Variants in SMPD4 observed in about 807,000 individuals in gnomAD.
The protein encoded by SMPD4 is sphingomyelin phosphodiesterase 4.
Under a neutral mutation model 97.8 loss-of-function variants are expected in SMPD4, and 58 were observed. That is an observed-to-expected ratio of 0.59 (90% CI 0.48 to 0.74). The LOEUF (loss-of-function observed/expected upper bound fraction) is 0.74. SMPD4 is among the 30% of genes least tolerant of loss of function. The pLI is 0.00. For synonymous variants in SMPD4, 388 were observed against 450.0 expected (o/e 0.86, Z 1.74); for missense variants, 853 against 1,080.5 (o/e 0.79, Z 2.95).
intron 1 of SMPD4, among the ~76,000 whole-genome samples, chr2:130,179,724 G>C (rs180752220): frequency 1.3e-5 from 2 of 148,488 alleles, no homozygotes; most frequent in East Asian, 2.0e-4. Flanking sequence ...GCATGATCTC[G>C]GCTCACTGCA....
intron 1 of SMPD4, among the ~76,000 whole-genome samples, chr2:130,177,911 T>A (rs1689124750): frequency 6.6e-6 from 1 of 152,180 alleles, no homozygotes; most frequent in South Asian, 2.1e-4. Context: ...GACCCCTGTT[T>A]GTTCAATCAA....
chr2:130,180,377 A>G (rs1464798839), intron 1 of SMPD4, among the ~76,000 whole-genome samples: 3 of 147,606 alleles, frequency 2.0e-5, no homozygotes, highest in African/African-American at 7.5e-5. Context: ...GGTGCAAGCA[A>G]TTCTCTTACT....
At position 130,156,091 on chromosome 2, in the gene SMPD4, C is replaced by G. The variant is rs149794601; in HGVS notation, c.1233G>C (p.Ala411=). ...WLSYLQPWRY[A]PDKQAPGSDS... ...CGCTGCCCGGAGCCTGCTTGTCAGG[C>G]GCGTACCGCCACGGCTGCAGGTAGC... The change falls in exon 14 of 20, where the codon GCG becomes GCC. Residue 411 remains alanine, a synonymous_variant. Coordinates refer to ENST00000680298, the MANE Select transcript of SMPD4 (RefSeq NM_017951.5). 6.2e-7 allele frequency: 1 copy of G among 1,611,064 alleles called. No individual in the cohort carries two copies. The highest frequency in any genetic ancestry group is 8.5e-7 in the Non-Finnish European group (1 of 1,179,828).
intron 1 of SMPD4, among the ~76,000 whole-genome samples, chr2:130,178,856 C>T (rs558748646): frequency 5.3e-5 from 8 of 152,020 alleles, no homozygotes; most frequent in Admixed American, 5.2e-4. Context: ...AGAATCCTAC[C>T]TCTCAGCTCA....
chr2:130,171,713 T>C (rs532528800), intron 8 of SMPD4, among the ~76,000 whole-genome samples: 41 of 152,306 alleles, frequency 2.7e-4, no homozygotes, highest in African/African-American at 9.9e-4. Flanking sequence ...TGGGCCAGCA[T>C]CTGCAGGAAG....
intron 12 of SMPD4, among the ~76,000 whole-genome samples, 169 bp downstream of exon 12, chr2:130,157,082 G>A (rs13024697): frequency 0.34 from 52,121 of 151,766 alleles, 9,321 homozygotes; most frequent in East Asian, 0.46. Context: ...AACTGGGCGG[G>A]GTGAGAGGAC....
rs1188611517 is a variant in SMPD4 at position 130,173,521 on chromosome 2, C to G, written c.262G>C (p.Asp88His). 5.0e-6 allele frequency: 8 copies of G among 1,601,286 alleles called. No homozygotes were observed. The highest frequency in any genetic ancestry group is 5.1e-6 in the Non-Finnish European group (6 of 1,171,484). Residue 88 changes from aspartate (D) to histidine (H), a missense_variant, in exon 4 of 20, where the codon GAC becomes CAC. Asp to His is a moderately conservative substitution (Grantham distance 81, BLOSUM62 -1). Around this residue, in one of 3 missense-constraint regions of SMPD4, gnomAD observed 313 missense variants for 402.2 expected, o/e 0.78. Coordinates refer to ENST00000680298, the MANE Select transcript of SMPD4 (RefSeq NM_017951.5). ...GGTGACCAACCTACCTACCCAGGGT[C>G]GAGAAATTCCATCACGATGCTGTAC... is the stretch of plus-strand genomic sequence containing the variant. ...VEYSIVMEFL[D>H]PGGPMMKLVY...
chr2:130,168,088 C>A (rs1377112382), intron 8 of SMPD4, among the ~76,000 whole-genome samples: 1 of 152,164 alleles, frequency 6.6e-6, no homozygotes, highest in Non-Finnish European at 1.5e-5. Flanking sequence ...TGCCTGTAGT[C>A]CTAGCTACTT....
intron 1 of SMPD4, among the ~76,000 whole-genome samples, chr2:130,180,515 C>G (rs1448099109): frequency 6.6e-6 from 1 of 152,144 alleles, no homozygotes; most frequent in East Asian, 1.9e-4. Context: ...TCGTGATCCA[C>G]CCGCCTGGGC....
chr2:130,155,166 C>G lies in SMPD4; in HGVS notation c.1383G>C (p.Lys461Asn), dbSNP rs753459003. Residue 461 changes from lysine (K) to asparagine (N), a missense_variant, in exon 15 of 20, where the codon AAG becomes AAC. Coordinates refer to ENST00000680298, the MANE Select transcript of SMPD4 (RefSeq NM_017951.5). ...CCACTCGGAACACCATGAGCGCGTG[C>G]TTGGGGCTGACCAGGTCTGTGCGGA... ...RALRTDLVSPKHALMVFRVAK... is the reference protein window; with the variant it reads ...RALRTDLVSPNHALMVFRVAK... 7 of 1,614,078 alleles carry G rather than the reference C, an allele frequency of 4.3e-6. 1 individual carries two copies. The South Asian group carries it at 7.7e-5, about 18-fold the overall frequency.
chr2:130,162,263 C>T (rs1348993659), intron 10 of SMPD4, among the ~76,000 whole-genome samples: 2 of 152,260 alleles, frequency 1.3e-5, no homozygotes, highest in African/African-American at 2.4e-5. Context: ...TGCAGCACCA[C>T]GGCCTGCCGA....
rs1290553536 is a variant in SMPD4 at position 130,158,187 on chromosome 2, C to T, written c.952-791G>A. 3.1e-6 allele frequency: 4 copies of T among 1,279,628 alleles called. No homozygotes were observed. The East Asian group carries it at 2.2e-4, about 72-fold the overall frequency. The allele number at this position is 1,279,628 out of a possible 1,614,324, so 79.3% of individuals were successfully genotyped here. A position where few individuals can be genotyped will look rare whatever the true frequency, so the allele number is the denominator to read the frequency against. Reference sequence around the variant, plus strand: ...TTTCCTCCCCAATTCCTCCCACCTGCTCCTCATCCTGGACACAGCCAGATG... The same window carrying T: ...TTTCCTCCCCAATTCCTCCCACCTGTTCCTCATCCTGGACACAGCCAGATG... On this transcript the variant is annotated intron_variant, in intron 11 of 19. Transcript: ENST00000680298.
In SMPD4 at chr2:130,161,297, C is replaced by T. The variant is rs368928187; in HGVS notation, c.865-25G>A. The T allele has an allele frequency of 1.2e-5, 19 of 1,606,952 alleles. No homozygotes were observed. The highest frequency in any genetic ancestry group is 1.7e-4 in the Middle Eastern group (1 of 6,040). On this transcript the variant is annotated intron_variant, in intron 10 of 19. Transcript: ENST00000680298. ...GCTGAGATAAGAAACAGAGAGATGC[C>T]GGAAGAGGCCGAAGAGCAGAGGACA...
intron 9 of SMPD4, 61 bp downstream of exon 9, chr2:130,167,397 T>C (rs1182234931): frequency 8.1e-6 from 13 of 1,608,510 alleles, no homozygotes; most frequent in South Asian, 3.3e-5. Context: ...CTGGGGATTA[T>C]AGGCACGAGC....
chr2:130,157,628 G>C, intron 11 of SMPD4: 1 of 801,738 alleles, frequency 1.2e-6, no homozygotes, highest in Admixed American at 3.1e-5. Flanking sequence ...GAAGTGCTTG[G>C]CCCAGCGCCC....
chr2:130,170,473 A>AAAAAAAAAAAAAAAAAAC lies in SMPD4; in HGVS notation c.659+1875_659+1876insGTTTTTTTTTTTTTTTTT, dbSNP rs1215927381. ...AAGACCCTGTCAAAAAAAAAAAAAA[A>AAAAAAAAAAAAAAAAAAC]AGCACACAATGGACCAGTGTAGTGG... is the stretch of plus-strand genomic sequence containing the variant. On this transcript the variant is annotated intron_variant, in intron 8 of 19. Coordinates refer to ENST00000680298, the MANE Select transcript of SMPD4 (RefSeq NM_017951.5). Among the ~76,000 whole-genome samples, 3 of 151,080 alleles carry AAAAAAAAAAAAAAAAAAC rather than the reference A, an allele frequency of 2.0e-5. 1 individual carries two copies. The highest frequency in any genetic ancestry group is 7.3e-5 in the African/African-American group (3 of 41,044).
chr2:130,165,456 C>T (rs1687846566), intron 9 of SMPD4, among the ~76,000 whole-genome samples: 1 of 151,210 alleles, frequency 6.6e-6, no homozygotes, highest in Non-Finnish European at 1.5e-5. Flanking sequence ...AACCCAGCAA[C>T]TCAAGTGTCT....
intron 11 of SMPD4, 144 bp from the exon 12 acceptor site, chr2:130,157,540 C>G: frequency 6.9e-7 from 1 of 1,453,278 alleles, no homozygotes; most frequent in Non-Finnish European, 9.3e-7. Flanking sequence ...GTGGGGCCAC[C>G]CCATGGGGCA....
intron 7 of SMPD4, 43 bp downstream of exon 7, chr2:130,172,582 G>A (rs1397208393): frequency 3.1e-6 from 5 of 1,613,752 alleles, no homozygotes; most frequent in Non-Finnish European, 4.2e-6. Flanking sequence ...GAAGCCCTGG[G>A]CCGTGGCCCC....
Sources: gnomAD v4.1 joint callset for allele counts (sites outside exome capture counted in the v4.1 genomes callset) on GRCh38, gnomAD v4.1.1 for gene constraint, gnomAD v4.1.1 regional missense constraint, MANE v1.5 for transcripts, NCBI Gene and HGNC (gene_info 2026-07-23, HGNC 2026-07-21) for gene names.